The following CLCN5 variants were observed in gnomAD, a reference collection of about 807,000 sequenced individuals.
CLCN5 encodes the protein Cl-/H+ antiporter 5, also known as H(+)/Cl(-) exchange transporter 5.
CLCN5 carries 17 observed loss-of-function variants against 54.0 expected under a neutral mutation model. That is an observed-to-expected ratio of 0.31 (90% CI 0.22 to 0.47). The LOEUF (loss-of-function observed/expected upper bound fraction) is 0.47. CLCN5 is among the 20% of genes least tolerant of loss of function. CLCN5 has a pLI of 1.00. For missense variants in CLCN5, 448 were observed against 646.7 expected, an observed-to-expected ratio of 0.69 and a Z score of 3.33; for synonymous variants, 222 against 233.0, an observed-to-expected ratio of 0.95 and a Z score of 0.43.
intron 3 of CLCN5, among the ~76,000 whole-genome samples, chrX:49,957,562 G>C (rs983586752): frequency 4.5e-5 from 5 of 111,471 alleles, no homozygotes; most frequent in African/African-American, 1.6e-4. Flanking sequence ...AGCCTCGCCT[G>C]TTGGTATTTT....
intron 3 of CLCN5, chrX:50,010,610 G>A (rs948352016): frequency 3.2e-5 from 4 of 125,693 alleles, no homozygotes; most frequent in Non-Finnish European, 6.9e-5. Context: ...GGCAAGAACA[G>A]CAAGCCTTCT....
In CLCN5 at chrX:50,099,041, G is replaced by T. The variant is rs1458294677; in HGVS notation, c.*6822G>T. On this transcript the variant is annotated 3_prime_UTR_variant, in exon 15 of 15. Transcript: ENST00000376091. ...CAATGAATTCAAAGCAAGTTGACAA[G>T]TAAGTGCTATGCAAATTGTAAGAAA... 1 of 112,823 alleles carries T rather than the reference G, an allele frequency of 8.9e-6. No individual in the cohort carries two copies. Among genetic ancestry groups the T allele is most frequent in the Non-Finnish European group, 1.9e-5 (1 of 53,323 alleles). The allele number at this position is 112,823 out of a possible 1,213,427, so 9.3% of individuals were successfully genotyped here.
chrX:50,050,355 TTCCTGTTAGTTTGCA>T (rs1307646533), intron 4 of CLCN5: 1 of 111,963 alleles, frequency 8.9e-6, no homozygotes, highest in Non-Finnish European at 1.9e-5. Flanking sequence ...TGAATGAGAG[TTCCTGTTAGTTTGCA>T]TCCTTGGTAT....
chrX:49,966,161 C>G (rs1439278156), intron 3 of CLCN5, among the ~76,000 whole-genome samples: 1 of 110,957 alleles, frequency 9.0e-6, no homozygotes, highest in Non-Finnish European at 1.9e-5. Flanking sequence ...TTTCTTCCTT[C>G]AATGTTTGGT....
At chrX:49,935,757 T>C (rs1384001263) in intron 3 of CLCN5, among the ~76,000 whole-genome samples, 1 of 110,712 alleles carries the variant, frequency 9.0e-6, no homozygotes, top group Non-Finnish European at 1.9e-5. Context: ...CTGGGTCCTT[T>C]CCCAGCATGG....
chrX:50,090,636 A>G, intron 13 of CLCN5, 34 bp from the exon 14 acceptor site: 7 of 1,176,899 alleles, frequency 5.9e-6, no homozygotes, highest in South Asian at 1.8e-5. Flanking sequence ...TAGCACGTCC[A>G]TCTTCAATTT....
intron 3 of CLCN5, among the ~76,000 whole-genome samples, chrX:50,022,941 A>T (rs1349124278): frequency 1.2e-5 from 1 of 82,830 alleles, no homozygotes; most frequent in Non-Finnish European, 2.1e-5. Context: ...TGCTGAAAAA[A>T]ATGTATATTC....
At position 50,003,242 on chromosome X, in the gene CLCN5, C is replaced by A. The variant is rs782138702; in HGVS notation, c.17-39074C>A. ...AGGCTTGCAGAAGAGCGAGCCTTCTCTTCCCTCTCCAGTGCATAGGCATGA... is the reference window on the plus strand; with the variant it reads ...AGGCTTGCAGAAGAGCGAGCCTTCTATTCCCTCTCCAGTGCATAGGCATGA... On this transcript the variant is annotated intron_variant, in intron 3 of 14. Coordinates refer to ENST00000376091, the MANE Select transcript of CLCN5 (RefSeq NM_001127898.4). The A allele has an allele frequency of 1.3e-5, 5 of 381,563 alleles. No homozygotes were observed. In the East Asian group the frequency reaches 3.0e-4, roughly 23 times the overall value. The allele number at this position is 381,563 out of a possible 1,213,427, so 31.4% of individuals were successfully genotyped here.
chrX:50,008,554 A>G (rs781948441), intron 3 of CLCN5: 34 of 335,331 alleles, frequency 1.0e-4, no homozygotes, highest in South Asian at 3.0e-5. Context: ...CTGTCCTCCT[A>G]TCATCCATTC....
intron 3 of CLCN5, among the ~76,000 whole-genome samples, chrX:49,972,112 G>GGTGTGTGTGT (rs61157983): frequency 3.5e-5 from 3 of 86,595 alleles, no homozygotes; most frequent in Admixed American, 1.4e-4. Context: ...TGCATTCTCT[G>GGTGTGTGTGT]GTGTGTGTGT....
chrX:49,961,075 G>A (rs1342607092), intron 3 of CLCN5, among the ~76,000 whole-genome samples: 2 of 111,785 alleles, frequency 1.8e-5, no homozygotes, highest in East Asian at 2.8e-4. Flanking sequence ...GTGTGTCCAC[G>A]CACACCAGGT....
At position 50,081,641 on chromosome X, in the gene CLCN5, A is replaced by T; in HGVS notation, c.727A>T (p.Ile243Leu). ...PYACGSGIPE[I>L]KTILSGFIIR... ...CAATCTTTCTGTGTTTAACCTGCAGATAAAAACTATCTTGAGTGGTTTCAT... is the reference window on the plus strand; with the variant it reads ...CAATCTTTCTGTGTTTAACCTGCAGTTAAAAACTATCTTGAGTGGTTTCAT... The change falls in exon 9 of 15, where the codon ATA (isoleucine) becomes TTA (leucine). Residue 243 changes from isoleucine (I) to leucine (L), a missense_variant and splice_region_variant. Transcript: ENST00000376091. 1 of 1,199,695 alleles carries T rather than the reference A, an allele frequency of 8.3e-7. No homozygotes were observed. The highest frequency in any genetic ancestry group is 2.5e-4 in the Middle Eastern group (1 of 3,960).
At chrX:49,971,289 T>TTA (rs1321013201) in intron 3 of CLCN5, among the ~76,000 whole-genome samples, 191 of 103,213 alleles carry the variant, frequency 1.9e-3, no homozygotes, top group Middle Eastern at 0.01. Flanking sequence ...TTATATATAT[T>TTA]TATATATATA....
intron 3 of CLCN5, among the ~76,000 whole-genome samples, chrX:49,995,124 G>A (rs782764102): frequency 9.9e-5 from 11 of 111,651 alleles, no homozygotes; most frequent in Non-Finnish European, 1.3e-4. Flanking sequence ...AGGTGTAGGC[G>A]GCATTTGTCA....
At chrX:50,056,244 G>A (rs781899854) in intron 4 of CLCN5, among the ~76,000 whole-genome samples, 1 of 110,745 alleles carries the variant, frequency 9.0e-6, no homozygotes, top group South Asian at 3.9e-4. Flanking sequence ...ACTTAGGACA[G>A]AAGAACTGGA....
chrX:50,002,107 T>G (rs1310300454), intron 3 of CLCN5, among the ~76,000 whole-genome samples: 1 of 110,403 alleles, frequency 9.1e-6, no homozygotes, highest in Admixed American at 9.7e-5. Flanking sequence ...ACTTCTTTTT[T>G]TTTTTTTAAC....
At position 50,042,458 on chromosome X, in the gene CLCN5, A is replaced by G; in HGVS notation, c.159A>G (p.Val53=). ...ATGTTCCTCCCTTAGACCGAGAAGT[A>G]GGAGGTATCATTATTGGTGATGATA... ...RDDVPPLDRE[V]GEDKSYNGGG... The change falls in exon 4 of 15, where the codon GTA becomes GTG. Residue 53 remains valine, a synonymous_variant. Transcript: ENST00000376091. 9.6e-7 allele frequency: 1 copy of G among 1,040,715 alleles called. No homozygotes were observed. The highest frequency in any genetic ancestry group is 1.3e-6 in the Non-Finnish European group (1 of 790,207). The allele number at this position is 1,040,715 out of a possible 1,213,427, so 85.8% of individuals were successfully genotyped here. A position where few individuals can be genotyped will look rare whatever the true frequency, so the allele number is the denominator to read the frequency against.
intron 4 of CLCN5, among the ~76,000 whole-genome samples, chrX:50,063,075 A>C (rs1932888156): frequency 9.2e-6 from 1 of 108,915 alleles, no homozygotes; most frequent in South Asian, 4.0e-4. Flanking sequence ...TAAAATTGAC[A>C]CCCTAACATC....
At chrX:50,032,620 G>C (rs1931768392) in intron 3 of CLCN5, among the ~76,000 whole-genome samples, 1 of 107,480 alleles carries the variant, frequency 9.3e-6, no homozygotes, top group South Asian at 3.9e-4. Flanking sequence ...CTGGATATTA[G>C]CCCTTTGTCA....
Sources: allele counts gnomAD v4.1 joint callset (sites outside exome capture counted in the v4.1 genomes callset), GRCh38; gene constraint gnomAD v4.1.1; transcripts MANE v1.5; gene names NCBI Gene and HGNC (gene_info 2026-07-23, HGNC 2026-07-21).